Variants in TRPM6 observed in about 807,000 individuals in gnomAD.
TRPM6 encodes the protein transient receptor potential cation channel subfamily M member 6.
Under a neutral mutation model 247.6 loss-of-function variants are expected in TRPM6, and 111 were observed. The ratio of observed to expected loss-of-function variants is 0.45; its 90% CI spans 0.38 to 0.52. TRPM6 has a LOEUF of 0.52. Among genes scored for constraint, TRPM6 ranks in the 20% least tolerant of loss-of-function variants. TRPM6 has a pLI of 0.00. For synonymous variants in TRPM6, 892 were observed against 853.8 expected (o/e 1.04, Z -0.78); for missense variants, 2,126 against 2,421.5 (o/e 0.88, Z 2.56).
chr9:74,846,117 C>T (rs1830100174), intron 3 of TRPM6, among the ~76,000 whole-genome samples: 1 of 152,142 alleles, frequency 6.6e-6, no homozygotes, highest in Non-Finnish European at 1.5e-5. Context: ...GAGTACAGTT[C>T]CTACTGTGAC....
intron 25 of TRPM6, among the ~76,000 whole-genome samples, chr9:74,768,072 A>C (rs1327819200): frequency 6.6e-6 from 1 of 152,208 alleles, no homozygotes; most frequent in Admixed American, 6.5e-5. Flanking sequence ...AATCCAAGAG[A>C]AAGACAATGC....
chr9:74,831,287 C>T (rs1345924089), intron 6 of TRPM6, among the ~76,000 whole-genome samples: 2 of 151,934 alleles, frequency 1.3e-5, no homozygotes, highest in Non-Finnish European at 1.5e-5. Context: ...GTCATGAATT[C>T]GAGACCAGCC....
At chr9:74,745,764 A>G (rs570481995) in intron 31 of TRPM6, among the ~76,000 whole-genome samples, 7 of 152,276 alleles carry the variant, frequency 4.6e-5, no homozygotes, top group Admixed American at 4.6e-4. Flanking sequence ...AGCAGAACAG[A>G]GTATTGTAGA....
chr9:74,739,903 T>G lies in TRPM6; in HGVS notation c.5307A>C (p.Val1769=). 1 of 1,614,084 alleles carries G rather than the reference T, an allele frequency of 6.2e-7. No homozygotes were observed. The highest frequency in any genetic ancestry group is 8.5e-7 in the Non-Finnish European group (1 of 1,180,006). The part of the protein sequence containing the change: ...SQRGRAAMIQ[V]LSREEMDGGL... Reference sequence around the variant, plus strand: ...CCCCATCCATCTCCTCTCGGGACAATACCTGGATCATTGCCGCTCTCCCAC... The same window carrying G: ...CCCCATCCATCTCCTCTCGGGACAAGACCTGGATCATTGCCGCTCTCCCAC... Residue 1769 remains valine (V), a synonymous_variant, in exon 34 of 39, where the codon GTA becomes GTC. Coordinates refer to ENST00000360774, the MANE Select transcript of TRPM6 (RefSeq NM_017662.5).
rs1168556142 is a variant in TRPM6 at position 74,810,818 on chromosome 9, T to C, written c.1494A>G (p.Lys498=). 2 of 1,613,618 alleles carry C rather than the reference T, an allele frequency of 1.2e-6. No homozygotes were observed. The highest frequency in any genetic ancestry group is 1.7e-6 in the Non-Finnish European group (2 of 1,179,718). The change falls in exon 13 of 39, where the codon AAA becomes AAG. Residue 498 remains lysine (K), a synonymous_variant. Transcript: ENST00000360774. ...CACGCCTTCTTAATTAGGTTACCTG[T>C]TTCACATCTTGGACGAGATGATGCA... ...TLLHHLVQDV[K]QHTLLSGYRI...
intron 24 of TRPM6, among the ~76,000 whole-genome samples, chr9:74,773,388 G>A (rs1164793617): frequency 6.6e-6 from 1 of 152,156 alleles, no homozygotes; most frequent in Non-Finnish European, 1.5e-5. Flanking sequence ...ACTGAAGAAT[G>A]AGATGTTATT....
In TRPM6 at chr9:74,827,775, C is replaced by T; in HGVS notation, c.841+3G>A. 6.2e-7 allele frequency: 1 copy of T among 1,614,066 alleles called. No homozygotes were observed. The highest frequency in any genetic ancestry group is 2.2e-5 in the East Asian group (1 of 44,846). ...TGGGTGACTGAGCCCCTGTGATACTCACGGCAGTGTATTTTCTGCAGAGAG... is the reference window on the plus strand; with the variant it reads ...TGGGTGACTGAGCCCCTGTGATACTTACGGCAGTGTATTTTCTGCAGAGAG... On this transcript the variant is annotated splice_donor_region_variant and intron_variant, in intron 7 of 38. Coordinates refer to ENST00000360774, the MANE Select transcript of TRPM6 (RefSeq NM_017662.5).
Position 74,821,525 on chromosome 9 carries a change from C to T in TRPM6, c.1010+144G>A, listed in dbSNP as rs1829127655. On this transcript the variant is annotated intron_variant, in intron 8 of 38. Coordinates refer to ENST00000360774, the MANE Select transcript of TRPM6 (RefSeq NM_017662.5). ...TGAAGGGCATTTTGATGTTGAACAA[C>T]AAACACAGTCACTGAGAAATGAAAT... The T allele has an allele frequency of 4.0e-6, 4 of 1,002,618 alleles. No homozygotes were observed. The South Asian group carries it at 5.7e-5, about 14-fold the overall frequency. 62.1% of individuals were successfully genotyped at this position (1,002,618 alleles called of 1,614,324 possible).
Position 74,785,933 on chromosome 9 carries a change from G to C in TRPM6, c.2860C>G (p.Leu954Val). 1 of 1,614,228 alleles carries C rather than the reference G, an allele frequency of 6.2e-7. No individual in the cohort carries two copies. The highest frequency in any genetic ancestry group is 8.5e-7 in the Non-Finnish European group (1 of 1,180,048). The change falls in exon 21 of 39, where the codon CTG becomes GTG. Residue 954 changes from leucine (L) to valine (V), a missense_variant. Physicochemically the swap from Leu to Val is conservative, Grantham distance 32. This residue lies in a region of TRPM6 where 1,082 missense variants were observed against 1,307.9 expected (regional missense o/e 0.83). Transcript: ENST00000360774. ...IDIIFWFSRLLDFFAVNQHAG... is the reference protein window; with the variant it reads ...IDIIFWFSRLVDFFAVNQHAG... ...TGTTGATTCACAGCAAAGAAGTCCA[G>C]GAGCCGTGAGAACCAGAATATGATG...
At chr9:74,842,941 T>C (rs1829990996) in intron 3 of TRPM6, among the ~76,000 whole-genome samples, 2 of 152,230 alleles carry the variant, frequency 1.3e-5, no homozygotes, top group South Asian at 2.1e-4. Context: ...GTTGGCCACA[T>C]TGATTAACTC....
At chr9:74,797,977 G>T (rs1213058628) in intron 17 of TRPM6, among the ~76,000 whole-genome samples, 5 of 152,120 alleles carry the variant, frequency 3.3e-5, no homozygotes, top group Non-Finnish European at 7.4e-5. Context: ...CCCAAGGAGG[G>T]TATAGATCCA....
rs140522705 is a variant in TRPM6, at chr9:74,810,816, T to C, written c.1496A>G (p.Gln499Arg). The C allele has an allele frequency of 6.2e-7, 1 of 1,613,534 alleles. No homozygotes were observed. The highest frequency in any genetic ancestry group is 1.3e-5 in the African/African-American group (1 of 74,902). Residue 499 changes from glutamine (Q) to arginine (R), a missense_variant and splice_region_variant, in exon 13 of 39, where the codon CAG (glutamine) becomes CGG (arginine). By Grantham distance (43) the Gln-to-Arg change is conservative. Coordinates refer to ENST00000360774, the MANE Select transcript of TRPM6 (RefSeq NM_017662.5). Reference sequence around the variant, plus strand: ...TTCACGCCTTCTTAATTAGGTTACCTGTTTCACATCTTGGACGAGATGATG... The same window carrying C: ...TTCACGCCTTCTTAATTAGGTTACCCGTTTCACATCTTGGACGAGATGATG... ...LLHHLVQDVK[Q>R]HTLLSGYRIT...
chr9:74,863,658 T>C (rs1444707697), intron 1 of TRPM6, among the ~76,000 whole-genome samples: 1 of 152,134 alleles, frequency 6.6e-6, no homozygotes, highest in African/African-American at 2.4e-5. Context: ...CTCGGCTCAC[T>C]GCGAGCTCCG....
chr9:74,763,523 C>T (rs1017858043), intron 25 of TRPM6, among the ~76,000 whole-genome samples: 5 of 151,522 alleles, frequency 3.3e-5, no homozygotes, highest in Admixed American at 1.3e-4. Context: ...CAGCAAGCAC[C>T]GTACAATTTT....
At chr9:74,808,310 T>A in intron 13 of TRPM6, 136 bp from the exon 14 acceptor site, 1 of 1,090,978 alleles carries the variant, frequency 9.2e-7, no homozygotes, top group Non-Finnish European at 1.4e-6. Flanking sequence ...ACTGATTAAT[T>A]TAAGTGACCA....
At chr9:74,782,241 T>C (rs965155390) in intron 23 of TRPM6, 121 bp downstream of exon 23, 5 of 709,178 alleles carry the variant, frequency 7.1e-6, no homozygotes, top group African/African-American at 3.6e-5. Context: ...TTCAAAACAA[T>C]AATAATAAAT....
chr9:74,812,871 C>T (rs967144410), intron 11 of TRPM6, among the ~76,000 whole-genome samples: 1 of 152,190 alleles, frequency 6.6e-6, no homozygotes, highest in African/African-American at 2.4e-5. Flanking sequence ...GCCTGGGCAA[C>T]AGGGCAAGAC....
At chr9:74,845,484 A>C (rs1177875873) in intron 3 of TRPM6, among the ~76,000 whole-genome samples, 1 of 152,242 alleles carries the variant, frequency 6.6e-6, no homozygotes, top group African/African-American at 2.4e-5. Flanking sequence ...GACATATGCT[A>C]TAACATGGAA....
In TRPM6 at chr9:74,813,550, A is replaced by C. The variant is rs1828811750; in HGVS notation, c.1309-1117T>G. Among the ~76,000 whole-genome samples, 5 of 152,304 alleles carry C rather than the reference A, an allele frequency of 3.3e-5. No homozygotes were observed. The South Asian group carries it at 1.0e-3, about 32-fold the overall frequency. Reference sequence around the variant, plus strand: ...TGATAATGTCACCAATACAAGAGAAAAGACATGAATATGTTGGTATCTGGG... The same window carrying C: ...TGATAATGTCACCAATACAAGAGAACAGACATGAATATGTTGGTATCTGGG... On this transcript the variant is annotated intron_variant, in intron 11 of 38. Coordinates refer to ENST00000360774, the MANE Select transcript of TRPM6 (RefSeq NM_017662.5).
Sources: allele counts gnomAD v4.1 joint callset (sites outside exome capture counted in the v4.1 genomes callset), GRCh38; gene constraint gnomAD v4.1.1; regional missense constraint gnomAD v4.1.1; transcripts MANE v1.5; gene names NCBI Gene and HGNC (gene_info 2026-07-23, HGNC 2026-07-21).